EFNA5: variants seen among roughly 807,000 people sequenced by gnomAD.
The protein encoded by EFNA5 is ephrin A5, also known as ephrin-A5.
Under a neutral mutation model 22.9 loss-of-function variants are expected in EFNA5, and 5 were observed. The observed-to-expected ratio is 0.22, with a 90% CI of 0.11 to 0.46. EFNA5 has a LOEUF of 0.46. Ranked by LOEUF, EFNA5 falls within the 20% of genes least tolerant of loss-of-function variation. The pLI is 0.99. For missense variants in EFNA5, 237 were observed against 293.3 expected (o/e 0.81, Z 1.40); for synonymous variants, 113 against 112.2 (o/e 1.01, Z -0.04).
intron 1 of EFNA5, among the ~76,000 whole-genome samples, chr5:107,476,986 G>C (rs1253650598): frequency 6.6e-6 from 1 of 152,146 alleles, no homozygotes; most frequent in African/African-American, 2.4e-5. Flanking sequence ...TCACACATTT[G>C]CTGATTTAGT....
At chr5:107,590,061 C>T (rs774257187) in intron 1 of EFNA5, among the ~76,000 whole-genome samples, 2 of 150,814 alleles carry the variant, frequency 1.3e-5, no homozygotes, top group Non-Finnish European at 3.0e-5. Flanking sequence ...TCATTGGAGA[C>T]GGTGATTTGG....
chr5:107,539,007 A>C (rs577950229), intron 1 of EFNA5, among the ~76,000 whole-genome samples: 104 of 152,320 alleles, frequency 6.8e-4, no homozygotes, highest in African/African-American at 2.4e-3. Context: ...ACAGCTTGTG[A>C]GGCATAAGAC....
At chr5:107,639,589 A>C (rs1462842289) in intron 1 of EFNA5, among the ~76,000 whole-genome samples, 2 of 152,202 alleles carry the variant, frequency 1.3e-5, no homozygotes, top group African/African-American at 4.8e-5. Context: ...TGTTTATCTT[A>C]AGGCTATTGT....
At chr5:107,670,091 C>T (rs1381901703) in intron 1 of EFNA5, among the ~76,000 whole-genome samples, 1 of 151,294 alleles carries the variant, frequency 6.6e-6, no homozygotes, top group Non-Finnish European at 1.5e-5. Flanking sequence ...CTCCGCAGTC[C>T]CTGCGGACCC....
chr5:107,411,810 G>A (rs890354486), intron 2 of EFNA5, among the ~76,000 whole-genome samples: 2 of 152,162 alleles, frequency 1.3e-5, no homozygotes, highest in East Asian at 1.9e-4. Context: ...GGGCTCGAGC[G>A]ACTCTCCTGC....
At chr5:107,398,406 T>C (rs1231121458) in intron 2 of EFNA5, among the ~76,000 whole-genome samples, 3 of 152,176 alleles carry the variant, frequency 2.0e-5, no homozygotes, top group East Asian at 1.9e-4. Context: ...ATACATCTTA[T>C]CTCTGCTACT....
intron 1 of EFNA5, among the ~76,000 whole-genome samples, chr5:107,541,220 ATAAT>A (rs1748040465): frequency 6.6e-6 from 1 of 152,224 alleles, no homozygotes; most frequent in African/African-American, 2.4e-5. Context: ...ATATAATTAC[ATAAT>A]TATATTCACG....
At chr5:107,633,851 T>G (rs1030581247) in intron 1 of EFNA5, among the ~76,000 whole-genome samples, 3 of 152,098 alleles carry the variant, frequency 2.0e-5, no homozygotes, top group Admixed American at 2.0e-4. Context: ...AGGCCACAGA[T>G]CCAAAGAACT....
intron 1 of EFNA5, among the ~76,000 whole-genome samples, chr5:107,590,265 T>C (rs3844311): frequency 0.27 from 40,326 of 152,044 alleles, 5,862 homozygotes; most frequent in Middle Eastern, 0.34. Context: ...TATTCTAAAC[T>C]CTACCTTCCA....
chr5:107,565,274 A>G (rs777952521), intron 1 of EFNA5, among the ~76,000 whole-genome samples: 2 of 152,240 alleles, frequency 1.3e-5, no homozygotes, highest in East Asian at 1.9e-4. Flanking sequence ...AATTTTATCA[A>G]GATAGAGTTA....
At chr5:107,598,769 A>G (rs965636027) in intron 1 of EFNA5, among the ~76,000 whole-genome samples, 1 of 152,092 alleles carries the variant, frequency 6.6e-6, no homozygotes, top group Non-Finnish European at 1.5e-5. Context: ...TCAATACAAC[A>G]TTTTTTCATG....
intron 1 of EFNA5, among the ~76,000 whole-genome samples, chr5:107,542,214 GT>G: frequency 6.6e-6 from 1 of 152,072 alleles, no homozygotes; most frequent in South Asian, 2.1e-4. Context: ...TCATAATATT[GT>G]TTAAAAAAAG....
intron 1 of EFNA5, among the ~76,000 whole-genome samples, chr5:107,482,860 CTCTCTCTCTCTATATATATATATA>C (rs1750519561): frequency 3.4e-5 from 3 of 87,856 alleles, no homozygotes; most frequent in Non-Finnish European, 4.8e-5. Context: ...CTCTCTCTCT[CTCTCTCTCTCTATATATATATATA>C]TATATATATA....
At chr5:107,573,916 A>G (rs568924723) in intron 1 of EFNA5, among the ~76,000 whole-genome samples, 3 of 152,348 alleles carry the variant, frequency 2.0e-5, no homozygotes, top group African/African-American at 7.2e-5. Context: ...TAAAGGTTTC[A>G]TAACCAAAAA....
At chr5:107,575,648 A>G (rs1359048994) in intron 1 of EFNA5, among the ~76,000 whole-genome samples, 1 of 152,154 alleles carries the variant, frequency 6.6e-6, no homozygotes, top group African/African-American at 2.4e-5. Context: ...TTGTAGACCT[A>G]CTGAGCTCAA....
intron 1 of EFNA5, 32 bp downstream of exon 1, chr5:107,670,457 T>C (rs560167787): frequency 1.3e-6 from 2 of 1,540,532 alleles, no homozygotes; most frequent in African/African-American, 1.4e-5. Flanking sequence ...GAGGCCCGGG[T>C]AGCCCTGGCT....
Position 107,608,709 on chromosome 5 carries a change from G to A in EFNA5, c.125+61780C>T, listed in dbSNP as rs1749768434. On this transcript the variant is annotated intron_variant, in intron 1 of 4. Coordinates refer to ENST00000333274, the MANE Select transcript of EFNA5 (RefSeq NM_001962.3). ...GGCAAGACACACCCACGACTTCATG[G>A]CTGGGCTCACCTTTCACAAAGTGTC... Among the ~76,000 whole-genome samples the A allele has an allele frequency of 2.6e-5, 4 of 152,150 alleles. No individual in the cohort carries two copies. The South Asian group carries it at 8.3e-4, about 32-fold the overall frequency.
chr5:107,665,781 C>G (rs1248669297), intron 1 of EFNA5, among the ~76,000 whole-genome samples: 3 of 151,982 alleles, frequency 2.0e-5, no homozygotes, highest in Non-Finnish European at 4.4e-5. Context: ...GAAAACTCAC[C>G]AAAAAACAGG....
intron 1 of EFNA5, among the ~76,000 whole-genome samples, chr5:107,556,698 A>G (rs1024387516): frequency 1.3e-5 from 2 of 151,894 alleles, no homozygotes; most frequent in Non-Finnish European, 2.9e-5. Context: ...GTGAGTCGAG[A>G]TCGCAGCATT....
Sources: allele counts gnomAD v4.1 joint callset (sites outside exome capture counted in the v4.1 genomes callset), GRCh38; gene constraint gnomAD v4.1.1; transcripts MANE v1.5; gene names NCBI Gene and HGNC (gene_info 2026-07-23, HGNC 2026-07-21).